CCDC33: variants seen among roughly 807,000 people sequenced by gnomAD.
CCDC33 encodes the protein coiled-coil domain-containing protein 33.
Under a neutral mutation model 91.9 loss-of-function variants are expected in CCDC33, and 94 were observed. The observed-to-expected ratio is 1.02, with a 90% CI of 0.87 to 1.21. CCDC33 has a LOEUF of 1.21. Among genes scored for constraint, CCDC33 ranks in the 50% most tolerant of loss-of-function variants. The probability of loss-of-function intolerance (pLI) is 0.00; values close to 1 mark genes in which losing one functional copy is unlikely to be tolerated. For synonymous variants in CCDC33, 396 were observed against 374.5 expected (o/e 1.06, Z -0.66); for missense variants, 940 against 935.5 (o/e 1.00, Z -0.06).
At chr15:74,328,487 C>T (rs2060356174) in intron 11 of CCDC33, among the ~76,000 whole-genome samples, 1 of 152,204 alleles carries the variant, frequency 6.6e-6, no homozygotes, top group African/African-American at 2.4e-5. Flanking sequence ...CTGATCTGGG[C>T]CTGACTGCAA....
chr15:74,290,723 A>G (rs1400591321), intron 10 of CCDC33, among the ~76,000 whole-genome samples: 6 of 152,194 alleles, frequency 3.9e-5, no homozygotes, highest in Non-Finnish European at 7.3e-5. Flanking sequence ...TGAGACTAGA[A>G]AGCTAGAAGA....
At chr15:74,254,032 T>C (rs2075788571) in intron 2 of CCDC33, among the ~76,000 whole-genome samples, 1 of 151,706 alleles carries the variant, frequency 6.6e-6, no homozygotes, top group Non-Finnish European at 1.5e-5. Flanking sequence ...ATTTTATTTA[T>C]TTTATTTTTT....
chr15:74,239,683 C>G (rs955651057), intron 1 of CCDC33, among the ~76,000 whole-genome samples: 3 of 152,218 alleles, frequency 2.0e-5, no homozygotes, highest in Non-Finnish European at 2.9e-5. Flanking sequence ...TCTCTGCACC[C>G]TAGCAGTGTT....
Position 74,295,855 on chromosome 15 carries a change from C to T in CCDC33, c.1197C>T (p.Ser399=). 6.2e-7 allele frequency: 1 copy of T among 1,614,150 alleles called. No individual in the cohort carries two copies. The highest frequency in any genetic ancestry group is 1.3e-5 in the African/African-American group (1 of 75,042). The change falls in exon 11 of 19, where the codon TCC becomes TCT. Residue 399 remains serine, a synonymous_variant. Transcript: ENST00000398814. ...TGAGAACCATCCAAGAGTCCTGGTCCAAGGACACAGTGAGCTCCACAATGG... is the reference window on the plus strand; with the variant it reads ...TGAGAACCATCCAAGAGTCCTGGTCTAAGGACACAGTGAGCTCCACAATGG... ...KKLRTIQESW[S]KDTVSSTMDL...
At chr15:74,208,304 G>A (rs1439298769) in intron 1 of CCDC33, among the ~76,000 whole-genome samples, 1 of 152,064 alleles carries the variant, frequency 6.6e-6, no homozygotes, top group Non-Finnish European at 1.5e-5. Context: ...TCCTGCCTTC[G>A]GAGGACTAGA....
In CCDC33 at chr15:74,307,167, T is replaced by C. The variant is rs138702454; in HGVS notation, c.1290+11219T>C. ...ATGAGGCCATAAATTGCTGAGGGCT[T>C]GAATCATCGATTGGTGAGGGTGAGG... On this transcript the variant is annotated intron_variant, in intron 11 of 18. Transcript: ENST00000398814. Among the ~76,000 whole-genome samples the C allele has an allele frequency of 1.4e-4, 21 of 152,280 alleles. No individual in the cohort carries two copies. The East Asian group carries it at 3.9e-3, about 28-fold the overall frequency.
intron 2 of CCDC33, among the ~76,000 whole-genome samples, chr15:74,224,895 C>T (rs1052144020): frequency 3.3e-5 from 5 of 152,174 alleles, no homozygotes; most frequent in African/African-American, 1.2e-4. Flanking sequence ...CAGCCAGTCT[C>T]CCAAGGGAGG....
chr15:74,208,811 C>T lies in CCDC33; in HGVS notation n.90-577C>T, dbSNP rs1468369430. The T allele has an allele frequency of 2.7e-5, 27 of 988,996 alleles. No homozygotes were observed. The Admixed American group carries it at 1.2e-3, about 43-fold the overall frequency. 61.3% of individuals were successfully genotyped at this position (988,996 alleles called of 1,614,324 possible). A position where few individuals can be genotyped will look rare whatever the true frequency, so the allele number is the denominator to read the frequency against. On this transcript the variant is annotated intron_variant and non_coding_transcript_variant, in intron 1 of 3. Transcript: ENST00000558645. ...TGGCTCCAGCCTACCTCCAATCAAG[C>T]GCTCTCCTGACCTCTCCCTTCCTTG...
intron 2 of CCDC33, chr15:74,209,725 C>T (rs1047440352): frequency 3.3e-5 from 14 of 423,452 alleles, no homozygotes; most frequent in Non-Finnish European, 5.4e-5. Flanking sequence ...CTACCCCTCC[C>T]TCCCCTTCCT....
At chr15:74,329,161 CAT>C (rs143161165) in intron 11 of CCDC33, among the ~76,000 whole-genome samples, 71 of 148,770 alleles carry the variant, frequency 4.8e-4, no homozygotes, top group African/African-American at 5.4e-4. Context: ...TATTAATTTT[CAT>C]ATATATATAT....
At chr15:74,229,303 G>T (rs1459145191) in intron 2 of CCDC33, among the ~76,000 whole-genome samples, 1 of 152,122 alleles carries the variant, frequency 6.6e-6, no homozygotes, top group Non-Finnish European at 1.5e-5. Context: ...GACCAGCCTG[G>T]CCAACATGGT....
At chr15:74,209,409 G>A in exon 2 of CCDC33, 4 of 1,535,622 alleles carry the variant, frequency 2.6e-6, no homozygotes, top group Non-Finnish European at 3.5e-6. Flanking sequence ...CTGATGAATT[G>A]CCAGAGGGGA....
Position 74,218,703 on chromosome 15 carries a change from A to G in CCDC33, c.517A>G (p.Ser173Gly), listed in dbSNP as rs1348838917. The change falls in exon 2 of 3, where the codon AGC (serine) becomes GGC (glycine). Residue 173 changes from serine to glycine, a missense_variant. Transcript: ENST00000635913. The surrounding 1 kb of genome is among the most constrained non-coding windows in gnomAD (Gnocchi z 4.8). Reference sequence around the variant, plus strand: ...TGGCAACCTGGCTCTGCTCCGGGCTAGCACGGACCCCACAGCCCGACACTG... The same window carrying G: ...TGGCAACCTGGCTCTGCTCCGGGCTGGCACGGACCCCACAGCCCGACACTG... 3.1e-6 allele frequency: 4 copies of G among 1,289,852 alleles called. No individual in the cohort carries two copies. In the East Asian group the frequency reaches 2.2e-4, roughly 72 times the overall value. The allele number at this position is 1,289,852 out of a possible 1,614,324, so 79.9% of individuals were successfully genotyped here.
chr15:74,266,537 CAT>C (rs887919754), intron 3 of CCDC33, 139 bp from the exon 4 acceptor site: 27 of 676,700 alleles, frequency 4.0e-5, no homozygotes, highest in Non-Finnish European at 6.4e-5. Flanking sequence ...GTGATCCACA[CAT>C]GTGTGTGCAT....
intron 11 of CCDC33, among the ~76,000 whole-genome samples, chr15:74,298,796 T>G (rs2059737732): frequency 7.5e-6 from 1 of 133,462 alleles, no homozygotes; most frequent in South Asian, 2.5e-4. Context: ...CATTGCAACC[T>G]CCGCCTCCCG....
chr15:74,262,648 G>A, intron 3 of CCDC33, 75 bp downstream of exon 3: 1 of 1,506,794 alleles, frequency 6.6e-7, no homozygotes, highest in Non-Finnish European at 8.9e-7. Flanking sequence ...GCAAGAAGCA[G>A]GCTCCCTCTC....
At chr15:74,317,737 G>A (rs905221769) in intron 11 of CCDC33, among the ~76,000 whole-genome samples, 1 of 152,180 alleles carries the variant, frequency 6.6e-6, no homozygotes, top group African/African-American at 2.4e-5. Flanking sequence ...GGACAGACAG[G>A]CTGAACCCAG....
At chr15:74,207,365 C>T (rs893309102) in intron 1 of CCDC33, among the ~76,000 whole-genome samples, 1 of 152,168 alleles carries the variant, frequency 6.6e-6, no homozygotes, top group Non-Finnish European at 1.5e-5. Flanking sequence ...AGAAGCCCTG[C>T]AACCTCAGTA....
chr15:74,261,219 A>G (rs1281778104), intron 2 of CCDC33, among the ~76,000 whole-genome samples: 4 of 152,184 alleles, frequency 2.6e-5, no homozygotes, highest in Non-Finnish European at 5.9e-5. Context: ...CCACAGAAGA[A>G]GGGCTCCTGC....
Sources: allele counts gnomAD v4.1 joint callset (sites outside exome capture counted in the v4.1 genomes callset), GRCh38; gene constraint gnomAD v4.1.1; non-coding constraint Gnocchi (gnomAD v3.1); transcripts MANE v1.5; gene names NCBI Gene and HGNC (gene_info 2026-07-23, HGNC 2026-07-21).